Variants in RBSN observed in about 807,000 individuals in gnomAD.
The protein encoded by RBSN is rabenosyn, RAB effector, also known as rabenosyn-5.
Under a neutral mutation model 60.5 loss-of-function variants are expected in RBSN, and 34 were observed. That is an observed-to-expected ratio of 0.56 (90% CI 0.43 to 0.75). The LOEUF is 0.75. RBSN is among the 30% of genes least tolerant of loss of function. The pLI, the probability that RBSN is intolerant of heterozygous loss-of-function variation, is 0.00. For synonymous variants in RBSN, 322 were observed against 366.9 expected (o/e 0.88, Z 1.40); for missense variants, 845 against 986.8 (o/e 0.86, Z 1.92).
At chr3:15,093,926 A>G (rs551014520) in intron 4 of RBSN, among the ~76,000 whole-genome samples, 64 of 151,942 alleles carry the variant, frequency 4.2e-4, no homozygotes, top group African/African-American at 1.5e-3. Context: ...GCTGGTATCA[A>G]ACTCCTAAGC....
chr3:15,075,220 C>CGGCTA, intron 13 of RBSN: 2 of 571,202 alleles, frequency 3.5e-6, no homozygotes, highest in South Asian at 2.0e-5. Flanking sequence ...AGGTCTGTTC[C>CGGCTA]CCTCATCTAC....
At chr3:15,075,571 G>C in intron 13 of RBSN, 35 bp downstream of exon 13, 1 of 1,579,422 alleles carries the variant, frequency 6.3e-7, no homozygotes, top group Non-Finnish European at 8.7e-7. Flanking sequence ...AGAGCCACAG[G>C]AGGAAGCAGG....
In RBSN at chr3:15,077,243, T is replaced by C. The variant is rs1403280502; in HGVS notation, c.999-79A>G. ...GGGTGAAAAGTATAACATCTGGAGTTGCCAGGCTTTCATGCCAGGAAGGTG... is the reference window on the plus strand; with the variant it reads ...GGGTGAAAAGTATAACATCTGGAGTCGCCAGGCTTTCATGCCAGGAAGGTG... On this transcript the variant is annotated intron_variant, in intron 11 of 13. Transcript: ENST00000253699. This position sits in a 1 kb window ranked among gnomAD's most constrained non-coding sequence, Gnocchi z 4.4. 2 of 1,248,170 alleles carry C rather than the reference T, an allele frequency of 1.6e-6. No homozygotes were observed. The highest frequency in any genetic ancestry group is 1.5e-5 in the African/African-American group (1 of 67,372). 77.3% of individuals were successfully genotyped at this position (1,248,170 alleles called of 1,614,324 possible). A position where few individuals can be genotyped will look rare whatever the true frequency, so the allele number is the denominator to read the frequency against.
rs1296397964 is a variant in RBSN, at chr3:15,095,972, C to G, written c.148+1G>C. ...GGATAGGCAAGGTCCTCGCCTCTTACTTTTAATTTGCCCTTTGACATCACG... is the reference window on the plus strand; with the variant it reads ...GGATAGGCAAGGTCCTCGCCTCTTAGTTTTAATTTGCCCTTTGACATCACG... On this transcript the variant is annotated splice_donor_variant, in intron 4 of 13. Transcript: ENST00000253699. LOFTEE classifies it high-confidence loss of function. 1.2e-6 allele frequency: 2 copies of G among 1,614,220 alleles called. No homozygotes were observed. The highest frequency in any genetic ancestry group is 1.7e-6 in the Non-Finnish European group (2 of 1,180,032).
rs1236022554 is a variant in RBSN, at chr3:15,074,165, G to C, written c.1972C>G (p.Leu658Val). The C allele has an allele frequency of 1.2e-6, 2 of 1,613,706 alleles. No homozygotes were observed. The highest frequency in any genetic ancestry group is 2.7e-5 in the African/African-American group (2 of 74,904). The change falls in exon 14 of 14, where the codon CTG becomes GTG. Residue 658 changes from leucine (L) to valine (V), a missense_variant. Leu to Val is a conservative substitution (Grantham distance 32, BLOSUM62 1). Transcript: ENST00000253699. The surrounding 1 kb of genome is among the most constrained non-coding windows in gnomAD (Gnocchi z 6.4). ...GVSLDPSARI[L>V]KEYNPFEEED... ...TCCTCGAAAGGATTGTACTCTTTCA[G>C]GATGCGGGCTGAAGGGTCTAAGGAA...
chr3:15,070,747 T>C lies in RBSN; in HGVS notation c.*3035A>G, dbSNP rs2042910030. The C allele has an allele frequency of 6.5e-6, 1 of 152,688 alleles. No individual in the cohort carries two copies. Among genetic ancestry groups the C allele is most frequent in the South Asian group, 2.1e-4 (1 of 4,836 alleles). The allele number at this position is 152,688 out of a possible 1,614,324, so 9.5% of individuals were successfully genotyped here. On this transcript the variant is annotated 3_prime_UTR_variant, in exon 14 of 14. Coordinates refer to ENST00000253699, the MANE Select transcript of RBSN (RefSeq NM_022340.4). ...TGGAAGAATTAAATGGAAGAATTCA[T>C]AGAAGAATACAGCCATGGATAAACT... is the stretch of plus-strand genomic sequence containing the variant.
In RBSN at chr3:15,071,386, C is replaced by T. The variant is rs879747410; in HGVS notation, c.*2396G>A. ...GAGACCCTAAGCAGGGAGGAGCCTA[C>T]TGGCCATCTGAGAAACCCTCTAGAG... On this transcript the variant is annotated 3_prime_UTR_variant, in exon 14 of 14. Coordinates refer to ENST00000253699, the MANE Select transcript of RBSN (RefSeq NM_022340.4). 2 of 152,250 alleles carry T rather than the reference C, an allele frequency of 1.3e-5. No individual in the cohort carries two copies. Among genetic ancestry groups the T allele is most frequent in the Non-Finnish European group, 2.9e-5 (2 of 68,040 alleles). 9.4% of individuals were successfully genotyped at this position (152,250 alleles called of 1,614,324 possible). A position where few individuals can be genotyped will look rare whatever the true frequency, so the allele number is the denominator to read the frequency against.
intron 4 of RBSN, among the ~76,000 whole-genome samples, chr3:15,094,382 C>T (rs1363169188): frequency 2.0e-5 from 3 of 152,230 alleles, no homozygotes; most frequent in Non-Finnish European, 4.4e-5. Context: ...AGTGATGTCA[C>T]GTGCAAAGGG....
At chr3:15,095,941 A>T (rs753121462) in intron 4 of RBSN, 32 bp downstream of exon 4, 1 of 1,614,216 alleles carries the variant, frequency 6.2e-7, no homozygotes, top group Admixed American at 1.7e-5. Context: ...TCTCAACGAC[A>T]GCAGGGGATA....
chr3:15,073,801 T>C lies in RBSN; in HGVS notation c.2336A>G (p.Gln779Arg). ...TGCTGGTCAGTCAGTGCCCCCCTTCTGCTTGGCCAGGGTGTGCTTCAGCTC... is the reference window on the plus strand; with the variant it reads ...TGCTGGTCAGTCAGTGCCCCCCTTCCGCTTGGCCAGGGTGTGCTTCAGCTC... ...LRELKHTLAK[Q>R]KGGTD The change falls in exon 14 of 14, where the codon CAG becomes CGG. Residue 779 changes from glutamine to arginine, a missense_variant. Gln to Arg is a conservative substitution (Grantham distance 43, BLOSUM62 1). Coordinates refer to ENST00000253699, the MANE Select transcript of RBSN (RefSeq NM_022340.4). 1.2e-6 allele frequency: 2 copies of C among 1,605,198 alleles called. No individual in the cohort carries two copies. The highest frequency in any genetic ancestry group is 8.5e-7 in the Non-Finnish European group (1 of 1,176,232).
At position 15,082,875 on chromosome 3, in the gene RBSN, C is replaced by T. The variant is rs2043240737; in HGVS notation, c.599-267G>A. On this transcript the variant is annotated intron_variant, in intron 8 of 13. Coordinates refer to ENST00000253699, the MANE Select transcript of RBSN (RefSeq NM_022340.4). The surrounding 1 kb of genome is among the most constrained non-coding windows in gnomAD (Gnocchi z 4.2). ...CTGTGCCTCCAACACAACAAACATTCTCCCAGGAGACTTTCCTCCACAGCC... is the reference window on the plus strand; with the variant it reads ...CTGTGCCTCCAACACAACAAACATTTTCCCAGGAGACTTTCCTCCACAGCC... 1.3e-5 allele frequency among the ~76,000 whole-genome samples: 2 copies of T among 152,204 alleles called. No individual in the cohort carries two copies. Among genetic ancestry groups the T allele is most frequent in the South Asian group, 4.1e-4 (2 of 4,830 alleles).
At chr3:15,091,331 T>C in intron 4 of RBSN, 1 of 1,039,922 alleles carries the variant, frequency 9.6e-7, no homozygotes, top group Non-Finnish European at 1.2e-6. Context: ...TAAATTCTTC[T>C]CATTTACCTC....
chr3:15,074,881 G>T lies in RBSN; in HGVS notation c.1256C>A (p.Ala419Asp), dbSNP rs199993444. The T allele has an allele frequency of 1.4e-5, 22 of 1,613,898 alleles. No individual in the cohort carries two copies. In the East Asian group the frequency reaches 4.9e-4, roughly 36 times the overall value. ...RRLEERQSGLASRAANGEVAS... is the reference protein window; with the variant it reads ...RRLEERQSGLDSRAANGEVAS... ...CACCTCCCCGTTGGCCGCTCGAGAAGCCAGGCCACTCTGCCTTTCCTCAAG... is the reference window on the plus strand; with the variant it reads ...CACCTCCCCGTTGGCCGCTCGAGAATCCAGGCCACTCTGCCTTTCCTCAAG... The change falls in exon 14 of 14, where the codon GCT becomes GAT. Residue 419 changes from alanine to aspartate, a missense_variant. Ala to Asp is a moderately radical substitution (Grantham distance 126, BLOSUM62 -2). Coordinates refer to ENST00000253699, the MANE Select transcript of RBSN (RefSeq NM_022340.4). This position sits in a 1 kb window ranked among gnomAD's most constrained non-coding sequence, Gnocchi z 6.4.
intron 6 of RBSN, 122 bp downstream of exon 6, chr3:15,085,739 G>T: frequency 1.3e-6 from 1 of 793,234 alleles, no homozygotes; most frequent in Non-Finnish European, 2.1e-6. Context: ...CTCTAGAGAA[G>T]GTGTTTCTCT....
At chr3:15,083,348 C>T (rs1281165809) in intron 8 of RBSN, among the ~76,000 whole-genome samples, 3 of 152,112 alleles carry the variant, frequency 2.0e-5, no homozygotes, top group African/African-American at 4.8e-5. Context: ...TTTTTGTCCC[C>T]ACATTATCCA....
At chr3:15,091,172 T>C (rs2043503555) in intron 4 of RBSN, among the ~76,000 whole-genome samples, 1 of 118,792 alleles carries the variant, frequency 8.4e-6, no homozygotes, top group African/African-American at 3.3e-5. Flanking sequence ...ATTGTGCCAC[T>C]GTACTCCAGC....
chr3:15,077,224 A>C lies in RBSN; in HGVS notation c.999-60T>G. ...CTGCCAGCTTCAGAAACAAGGGTGA[A>C]AAGTATAACATCTGGAGTTGCCAGG... On this transcript the variant is annotated intron_variant, in intron 11 of 13. Coordinates refer to ENST00000253699, the MANE Select transcript of RBSN (RefSeq NM_022340.4). The surrounding 1 kb of genome is among the most constrained non-coding windows in gnomAD (Gnocchi z 4.4). 3 of 1,420,116 alleles carry C rather than the reference A, an allele frequency of 2.1e-6. No homozygotes were observed. Among genetic ancestry groups the C allele is most frequent in the Non-Finnish European group, 3.0e-6 (3 of 1,004,172 alleles). The allele number at this position is 1,420,116 out of a possible 1,614,324, so 88.0% of individuals were successfully genotyped here. A position where few individuals can be genotyped will look rare whatever the true frequency, so the allele number is the denominator to read the frequency against.
Position 15,090,555 on chromosome 3 carries a change from A to G in RBSN, c.149-16T>C. 1 of 1,612,446 alleles carries G rather than the reference A, an allele frequency of 6.2e-7. No individual in the cohort carries two copies. Among genetic ancestry groups the G allele is most frequent in the Non-Finnish European group, 8.5e-7 (1 of 1,179,502 alleles). On this transcript the variant is annotated splice_polypyrimidine_tract_variant and intron_variant, in intron 4 of 13. Transcript: ENST00000253699. ...TGGACAAGACCTTGAAAAATGGAAC[A>G]AATAATACAAATGAGCCATGAAGAA...
chr3:15,088,384 TA>T (rs769639960), intron 5 of RBSN, among the ~76,000 whole-genome samples: 5 of 139,732 alleles, frequency 3.6e-5, no homozygotes, highest in South Asian at 2.2e-4. Flanking sequence ...GTATTATTAT[TA>T]TTTTTTTTTT....
Sources: allele counts gnomAD v4.1 joint callset (sites outside exome capture counted in the v4.1 genomes callset), GRCh38; gene constraint gnomAD v4.1.1; non-coding constraint Gnocchi (gnomAD v3.1); transcripts MANE v1.5; gene names NCBI Gene and HGNC (gene_info 2026-07-23, HGNC 2026-07-21).